MAP2K5: variants seen among roughly 807,000 people sequenced by gnomAD.
MAP2K5 encodes the protein mitogen-activated protein kinase kinase 5.
MAP2K5 carries 49 observed loss-of-function variants against 83.1 expected under a neutral mutation model. That is an observed-to-expected ratio of 0.59 (90% CI 0.47 to 0.75). The LOEUF (loss-of-function observed/expected upper bound fraction) is 0.75, where lower values mean the gene tolerates loss of function less well. MAP2K5 is among the 30% of genes least tolerant of loss of function. The probability of loss-of-function intolerance (pLI) is 0.00; values close to 1 mark genes in which losing one functional copy is unlikely to be tolerated. For missense variants in MAP2K5, 457 were observed against 557.5 expected (o/e 0.82, Z 1.82); for synonymous variants, 202 against 191.8 (o/e 1.05, Z -0.44).
chr15:67,622,975 G>A (rs375561496), intron 8 of MAP2K5, among the ~76,000 whole-genome samples: 2 of 152,056 alleles, frequency 1.3e-5, no homozygotes, highest in African/African-American at 2.4e-5. Flanking sequence ...GGTGGTGGGC[G>A]CCTGTAGTCC....
At chr15:67,602,708 C>CTGGA (rs1272854156) in intron 8 of MAP2K5, among the ~76,000 whole-genome samples, 4 of 152,254 alleles carry the variant, frequency 2.6e-5, no homozygotes, top group African/African-American at 4.8e-5. Context: ...GTTGCCCAGG[C>CTGGA]TGGAGTGCAG....
At position 67,643,948 on chromosome 15, in the gene MAP2K5, A is replaced by T. The variant is rs568553386; in HGVS notation, c.586-2283A>T. On this transcript the variant is annotated intron_variant, in intron 9 of 21. Transcript: ENST00000178640. ...TATATATATTCTTCAGTTGTAATACAAAATGTAATTCAAAGTTGAATGCTA... is the reference window on the plus strand; with the variant it reads ...TATATATATTCTTCAGTTGTAATACTAAATGTAATTCAAAGTTGAATGCTA... Among the ~76,000 whole-genome samples the T allele has an allele frequency of 1.8e-4, 27 of 152,378 alleles. No homozygotes were observed. The South Asian group carries it at 2.7e-3, about 15-fold the overall frequency.
At chr15:67,685,253 C>T (rs182565471) in intron 13 of MAP2K5, among the ~76,000 whole-genome samples, 2 of 152,222 alleles carry the variant, frequency 1.3e-5, no homozygotes, top group Admixed American at 6.5e-5. Context: ...GATTGACAGC[C>T]GACTTCATGT....
intron 16 of MAP2K5, among the ~76,000 whole-genome samples, chr15:67,709,992 T>A (rs2088651252): frequency 6.6e-6 from 1 of 152,216 alleles, no homozygotes; most frequent in Non-Finnish European, 1.5e-5. Context: ...GTGAATAATC[T>A]GACAGACTTT....
intron 1 of MAP2K5, chr15:67,546,562 T>C (rs570803842): frequency 1.9e-4 from 186 of 985,048 alleles, no homozygotes; most frequent in Non-Finnish European, 2.1e-4. Flanking sequence ...GGCTGAACTA[T>C]GGAGGCTGAC....
intron 8 of MAP2K5, among the ~76,000 whole-genome samples, chr15:67,619,299 A>G (rs1596659579): frequency 6.6e-6 from 1 of 152,092 alleles, no homozygotes; most frequent in African/African-American, 2.4e-5. Flanking sequence ...ATTTTTTTCA[A>G]TGCACTTACC....
At position 67,758,804 on chromosome 15, in the gene MAP2K5, C is replaced by T. The variant is rs2089891644; in HGVS notation, c.1134+10203C>T. 6.6e-6 allele frequency among the ~76,000 whole-genome samples: 1 copy of T among 152,164 alleles called. No individual in the cohort carries two copies. The highest frequency in any genetic ancestry group is 1.5e-5 in the Non-Finnish European group (1 of 68,036). ...TTTTACAGACAAGGAAACTGAGTGA[C>T]AATCAAAGGGTAAGGTTCCTTACAT... On this transcript the variant is annotated intron_variant, in intron 19 of 21. Transcript: ENST00000178640. The surrounding 1 kb of genome is among the most constrained non-coding windows in gnomAD (Gnocchi z 4.7).
chr15:67,643,537 C>T (rs529728888), intron 9 of MAP2K5, among the ~76,000 whole-genome samples: 3 of 152,326 alleles, frequency 2.0e-5, no homozygotes, highest in South Asian at 4.1e-4. Flanking sequence ...AGCTCCGCCT[C>T]CTGGGTTCAC....
chr15:67,570,940 T>A (rs1013260349), intron 3 of MAP2K5, among the ~76,000 whole-genome samples: 11 of 152,222 alleles, frequency 7.2e-5, no homozygotes, highest in Admixed American at 3.9e-4. Flanking sequence ...TTAGGCATGC[T>A]AAGGAGAGAT....
chr15:67,544,190 G>C (rs2084350061), intron 1 of MAP2K5, among the ~76,000 whole-genome samples: 1 of 152,198 alleles, frequency 6.6e-6, no homozygotes, highest in African/African-American at 2.4e-5. Flanking sequence ...ACTGTGCCCA[G>C]CCTGAGCAAA....
chr15:67,701,028 C>T (rs938878), intron 15 of MAP2K5, among the ~76,000 whole-genome samples: 83,545 of 151,810 alleles, frequency 0.55, 23,692 homozygotes, highest in Non-Finnish European at 0.6. Context: ...GTTTAACCTC[C>T]TTTTTGATCC....
chr15:67,728,988 A>G (rs1179318438), intron 17 of MAP2K5, among the ~76,000 whole-genome samples: 1 of 152,234 alleles, frequency 6.6e-6, no homozygotes, highest in African/African-American at 2.4e-5. Flanking sequence ...GCCATCAGAT[A>G]AGTGGAAGAG....
intron 16 of MAP2K5, 94 bp downstream of exon 16, chr15:67,703,502 A>G (rs1011921870): frequency 9.7e-7 from 1 of 1,033,144 alleles, no homozygotes; most frequent in Admixed American, 2.0e-5. Context: ...GCTAAAATAA[A>G]CCTTCAGCAT....
intron 9 of MAP2K5, chr15:67,642,285 A>T (rs1368450544): frequency 1.9e-6 from 1 of 530,726 alleles, no homozygotes; most frequent in East Asian, 3.1e-5. Context: ...GTTAAATCCT[A>T]CATCACTTAC....
At chr15:67,643,846 T>C (rs2086773108) in intron 9 of MAP2K5, among the ~76,000 whole-genome samples, 1 of 152,194 alleles carries the variant, frequency 6.6e-6, no homozygotes, top group Admixed American at 6.5e-5. Flanking sequence ...AAATGTACTT[T>C]AGAATTGTCC....
In MAP2K5 at chr15:67,750,732, C is replaced by G. The variant is rs2089700034; in HGVS notation, c.1134+2131C>G. The stretch of plus-strand genomic sequence containing the variant: ...GCTAAGTCTTCCCCTTTAGTTCCCA[C>G]AGGGCAATTAGCTAGCTATCTTCAT... On this transcript the variant is annotated intron_variant, in intron 19 of 21. Coordinates refer to ENST00000178640, the MANE Select transcript of MAP2K5 (RefSeq NM_145160.3). This position sits in a 1 kb window ranked among gnomAD's most constrained non-coding sequence, Gnocchi z 4.2. 6.6e-6 allele frequency among the ~76,000 whole-genome samples: 1 copy of G among 152,184 alleles called. No homozygotes were observed. The highest frequency in any genetic ancestry group is 2.4e-5 in the African/African-American group (1 of 41,436).
At chr15:67,604,288 A>G (rs2085729568) in intron 8 of MAP2K5, among the ~76,000 whole-genome samples, 1 of 152,284 alleles carries the variant, frequency 6.6e-6, no homozygotes, top group Admixed American at 6.5e-5. Flanking sequence ...ACCTTAAAGT[A>G]TGGCCCAAGC....
At chr15:67,599,560 G>A (rs2085606619) in intron 7 of MAP2K5, among the ~76,000 whole-genome samples, 1 of 152,126 alleles carries the variant, frequency 6.6e-6, no homozygotes, top group Non-Finnish European at 1.5e-5. Flanking sequence ...GTTTAGAGTA[G>A]AGCAAAATAT....
Position 67,634,409 on chromosome 15 carries a change from A to G in MAP2K5, c.585+3482A>G, listed in dbSNP as rs895399459. 3.9e-3 allele frequency among the ~76,000 whole-genome samples: 512 copies of G among 132,838 alleles called. 1 individual carries two copies. The highest frequency in any genetic ancestry group is 0.014 in the African/African-American group (493 of 34,300). 87.1% of individuals were successfully genotyped at this position (132,838 alleles called of 152,430 possible). On this transcript the variant is annotated intron_variant, in intron 9 of 21. Transcript: ENST00000178640. ...AAAAAAAAAAAAAAAAAAAAAAAAAAGAATGTATAATCCACTGTATAGGGT... is the reference window on the plus strand; with the variant it reads ...AAAAAAAAAAAAAAAAAAAAAAAAAGGAATGTATAATCCACTGTATAGGGT...
Sources: gnomAD v4.1 joint callset for allele counts (sites outside exome capture counted in the v4.1 genomes callset) on GRCh38, gnomAD v4.1.1 for gene constraint, Gnocchi (gnomAD v3.1) non-coding constraint, MANE v1.5 for transcripts, NCBI Gene and HGNC (gene_info 2026-07-23, HGNC 2026-07-21) for gene names.